Variants in KCNQ3 observed in about 807,000 individuals in gnomAD.
KCNQ3 encodes the protein potassium voltage-gated channel subfamily KQT member 3.
KCNQ3 carries 30 observed loss-of-function variants against 92.5 expected under a neutral mutation model. The ratio of observed to expected loss-of-function variants is 0.32; its 90% CI spans 0.24 to 0.44. KCNQ3 has a LOEUF of 0.44. KCNQ3 is among the 20% of genes least tolerant of loss of function. The pLI, the probability that KCNQ3 is intolerant of heterozygous loss-of-function variation, is 1.00. For synonymous variants in KCNQ3, 450 were observed against 468.8 expected, an observed-to-expected ratio of 0.96 and a Z score of 0.52; for missense variants, 913 against 1,140.3, an observed-to-expected ratio of 0.80 and a Z score of 2.87.
chr8:132,413,610 A>C (rs572327095), intron 1 of KCNQ3, among the ~76,000 whole-genome samples: 8 of 152,370 alleles, frequency 5.3e-5, no homozygotes, highest in Admixed American at 1.3e-4. Context: ...AAATGAATAA[A>C]TAAATGGATC....
chr8:132,203,975 A>G (rs980297890), intron 1 of KCNQ3, among the ~76,000 whole-genome samples: 1 of 152,256 alleles, frequency 6.6e-6, no homozygotes, highest in African/African-American at 2.4e-5. Context: ...ACCAAGAGAC[A>G]CTATATTTCA....
At chr8:132,287,552 G>A (rs1816713395) in intron 1 of KCNQ3, among the ~76,000 whole-genome samples, 2 of 152,234 alleles carry the variant, frequency 1.3e-5, no homozygotes, top group African/African-American at 4.8e-5. Context: ...TATACAAAAT[G>A]TAGTCTCTCC....
chr8:132,397,140 G>T (rs1820214568), intron 1 of KCNQ3, among the ~76,000 whole-genome samples: 2 of 152,078 alleles, frequency 1.3e-5, no homozygotes, highest in African/African-American at 4.8e-5. Context: ...TTGGGTGGTG[G>T]CTTAATGGGC....
chr8:132,229,816 A>G (rs1198205698), intron 1 of KCNQ3, among the ~76,000 whole-genome samples: 1 of 152,182 alleles, frequency 6.6e-6, no homozygotes, highest in Non-Finnish European at 1.5e-5. Context: ...AGGGTGAAAC[A>G]TAACAGGTGG....
At chr8:132,457,659 C>A (rs544458594) in intron 1 of KCNQ3, among the ~76,000 whole-genome samples, 1 of 152,342 alleles carries the variant, frequency 6.6e-6, no homozygotes, top group Admixed American at 6.5e-5. Context: ...CCCGGAACCC[C>A]TCCCAGCAGT....
At chr8:132,266,518 C>G (rs1377749862) in intron 1 of KCNQ3, among the ~76,000 whole-genome samples, 1 of 152,166 alleles carries the variant, frequency 6.6e-6, no homozygotes, top group African/African-American at 2.4e-5. Context: ...TACTGCTAAT[C>G]CCAGCCTGCC....
intron 1 of KCNQ3, among the ~76,000 whole-genome samples, chr8:132,288,114 C>T (rs1816729448): frequency 6.6e-6 from 1 of 152,188 alleles, no homozygotes; most frequent in Non-Finnish European, 1.5e-5. Context: ...CATCTTTATG[C>T]ATGACATCTT....
At chr8:132,176,833 C>T (rs1257817806) in intron 4 of KCNQ3, among the ~76,000 whole-genome samples, 2 of 152,234 alleles carry the variant, frequency 1.3e-5, no homozygotes, top group Non-Finnish European at 2.9e-5. Context: ...CTTCTCCAAG[C>T]CTCCAACATT....
intron 1 of KCNQ3, among the ~76,000 whole-genome samples, chr8:132,413,015 C>G (rs903707127): frequency 2.6e-5 from 4 of 152,198 alleles, no homozygotes; most frequent in Non-Finnish European, 5.9e-5. Flanking sequence ...ACTAGGCTCT[C>G]AAGAAGTATT....
intron 1 of KCNQ3, among the ~76,000 whole-genome samples, chr8:132,414,241 T>C (rs1253146853): frequency 2.0e-5 from 3 of 152,164 alleles, no homozygotes; most frequent in Non-Finnish European, 4.4e-5. Context: ...GTCCCACAGG[T>C]TCCTCTGATC....
chr8:132,354,470 TGTTTC>T (rs1172425045), intron 1 of KCNQ3, among the ~76,000 whole-genome samples: 2 of 152,146 alleles, frequency 1.3e-5, no homozygotes, highest in Non-Finnish European at 2.9e-5. Flanking sequence ...ATTATCTGAG[TGTTTC>T]ATGGCCCTGA....
intron 12 of KCNQ3, among the ~76,000 whole-genome samples, chr8:132,136,043 C>T (rs747017075): frequency 1.2e-4 from 16 of 136,872 alleles, no homozygotes; most frequent in African/African-American, 4.0e-4. Flanking sequence ...CACTTGAACC[C>T]GGGAGGCAGA....
intron 1 of KCNQ3, among the ~76,000 whole-genome samples, chr8:132,385,731 A>G (rs1331745323): frequency 3.3e-5 from 5 of 152,156 alleles, no homozygotes; most frequent in African/African-American, 7.2e-5. Context: ...CAATGGGGAC[A>G]AATTTGTGTA....
intron 1 of KCNQ3, among the ~76,000 whole-genome samples, chr8:132,354,158 T>C (rs1048166204): frequency 1.3e-5 from 2 of 152,098 alleles, no homozygotes; most frequent in African/African-American, 2.4e-5. Context: ...AGAACCCCCA[T>C]GTGTTTGAAG....
intron 1 of KCNQ3, among the ~76,000 whole-genome samples, chr8:132,432,599 C>A (rs1306601209): frequency 1.3e-5 from 2 of 152,140 alleles, no homozygotes; most frequent in South Asian, 2.1e-4. Context: ...GCAGAGTGAC[C>A]CTTCCAGTGC....
At chr8:132,206,225 C>G (rs1299849472) in intron 1 of KCNQ3, among the ~76,000 whole-genome samples, 2 of 152,130 alleles carry the variant, frequency 1.3e-5, no homozygotes, top group Admixed American at 1.3e-4. Flanking sequence ...CCTATATCAC[C>G]TGGGTTTCCA....
chr8:132,200,325 G>C (rs528600251), intron 1 of KCNQ3, among the ~76,000 whole-genome samples: 3 of 151,564 alleles, frequency 2.0e-5, no homozygotes, highest in Admixed American at 6.6e-5. Context: ...TTTAATTATT[G>C]TCTATGGTTG....
rs952115057 is a variant in KCNQ3, at chr8:132,122,530, C to T, written c.*6732G>A. 12 of 152,122 alleles carry T rather than the reference C, an allele frequency of 7.9e-5. No individual in the cohort carries two copies. The East Asian group carries it at 1.5e-3, about 20-fold the overall frequency. 9.4% of individuals were successfully genotyped at this position (152,122 alleles called of 1,614,324 possible). On this transcript the variant is annotated 3_prime_UTR_variant, in exon 15 of 15. Transcript: ENST00000388996. ...TTCTCAAGTTATTCTTATATACAGCCGATTTTTGGCGGTGTCAAAGAAATT... is the reference window on the plus strand; with the variant it reads ...TTCTCAAGTTATTCTTATATACAGCTGATTTTTGGCGGTGTCAAAGAAATT...
intron 1 of KCNQ3, among the ~76,000 whole-genome samples, chr8:132,333,558 C>G (rs1456623872): frequency 6.6e-6 from 1 of 152,030 alleles, no homozygotes; most frequent in African/African-American, 2.4e-5. Flanking sequence ...TACTTAAAGT[C>G]CCATCACTCA....
Sources: gnomAD v4.1 joint callset for allele counts (sites outside exome capture counted in the v4.1 genomes callset) on GRCh38, gnomAD v4.1.1 for gene constraint, MANE v1.5 for transcripts, NCBI Gene and HGNC (gene_info 2026-07-23, HGNC 2026-07-21) for gene names.